Variants in HADHA observed in about 807,000 individuals in gnomAD.
The protein encoded by HADHA is trifunctional enzyme subunit alpha, mitochondrial.
HADHA carries 59 observed loss-of-function variants against 91.3 expected under a neutral mutation model. The observed-to-expected ratio is 0.65, with a 90% CI of 0.52 to 0.80. HADHA has a LOEUF of 0.80. HADHA is among the 30% of genes least tolerant of loss of function. The pLI, the probability that HADHA is intolerant of heterozygous loss-of-function variation, is 0.00. For synonymous variants in HADHA, 320 were observed against 338.9 expected, an observed-to-expected ratio of 0.94 and a Z score of 0.61; for missense variants, 800 against 927.6, an observed-to-expected ratio of 0.86 and a Z score of 1.79.
chr2:26,195,253 C>T lies in HADHA; in HGVS notation c.1480-21G>A, dbSNP rs367884834. ...ATCACCTGGCAAGGGGAACCAAAAGCCAACAGATCGGAGAATGCGGGTGAG... is the reference window on the plus strand; with the variant it reads ...ATCACCTGGCAAGGGGAACCAAAAGTCAACAGATCGGAGAATGCGGGTGAG... On this transcript the variant is annotated intron_variant, in intron 14 of 19. Coordinates refer to ENST00000380649, the MANE Select transcript of HADHA (RefSeq NM_000182.5). 8 of 1,607,670 alleles carry T rather than the reference C, an allele frequency of 5.0e-6. No homozygotes were observed. In the African/African-American group the frequency reaches 1.1e-4, roughly 21 times the overall value.
At chr2:26,222,948 T>C (rs1670406520) in intron 7 of HADHA, among the ~76,000 whole-genome samples, 1 of 152,194 alleles carries the variant, frequency 6.6e-6, no homozygotes, top group African/African-American at 2.4e-5. Context: ...TATAGGGTGC[T>C]ACTTTTCCCA....
Position 26,192,219 on chromosome 2 carries a change from TA to T in HADHA, c.2000+90del, listed in dbSNP as rs34898931. ...ACATGTATCCCAGGACTTAAAGTAT[TA>T]AAAAAAAAAAAAAATGGAAGAGGGG... is the stretch of plus-strand genomic sequence containing the variant. On this transcript the variant is annotated intron_variant, in intron 18 of 19. Transcript: ENST00000380649. 0.28 allele frequency: 171,921 copies of T among 603,704 alleles called. 2,861 individuals carry two copies. The highest frequency in any genetic ancestry group is 0.32 in the Middle Eastern group (911 of 2,814). 37.4% of individuals were successfully genotyped at this position (603,704 alleles called of 1,614,324 possible).
chr2:26,244,408 A>T, intron 1 of HADHA, 122 bp downstream of exon 1: 1 of 992,754 alleles, frequency 1.0e-6, no homozygotes, highest in Non-Finnish European at 1.6e-6. Flanking sequence ...CAGTATCCCC[A>T]CAGAGGGCTG....
At chr2:26,222,001 A>G (rs568052587) in intron 7 of HADHA, among the ~76,000 whole-genome samples, 1 of 152,256 alleles carries the variant, frequency 6.6e-6, no homozygotes, top group South Asian at 2.1e-4. Flanking sequence ...TTATGGGCTG[A>G]ATTGTGTCCC....
At chr2:26,193,860 T>C in intron 16 of HADHA, 88 bp from the exon 17 acceptor site, 3 of 1,017,234 alleles carry the variant, frequency 2.9e-6, no homozygotes, top group Non-Finnish European at 1.6e-6. Context: ...AACACTGCCT[T>C]GTGTAAAACC....
rs1401840831 is a variant in HADHA, at chr2:26,221,156, T to C, written c.677-5981A>G. 1.3e-5 allele frequency among the ~76,000 whole-genome samples: 2 copies of C among 152,188 alleles called. No individual in the cohort carries two copies. The highest frequency in any genetic ancestry group is 4.8e-5 in the African/African-American group (2 of 41,440). ...CATTTGGGTTGCTATTCCAGCCCAT[T>C]TACTGAGTAACTAAAAAAGCTGCTA... On this transcript the variant is annotated intron_variant, in intron 7 of 19. Transcript: ENST00000380649. The surrounding 1 kb of genome is among the most constrained non-coding windows in gnomAD (Gnocchi z 4.8).
At chr2:26,191,925 C>A (rs776468565) in intron 18 of HADHA, among the ~76,000 whole-genome samples, 34 of 152,188 alleles carry the variant, frequency 2.2e-4, no homozygotes, top group Admixed American at 1.6e-3. Context: ...TAATAAAGAT[C>A]TGGGAGGGTG....
chr2:26,234,736 A>G (rs1030703820), intron 4 of HADHA, among the ~76,000 whole-genome samples: 3 of 151,212 alleles, frequency 2.0e-5, no homozygotes, highest in Non-Finnish European at 2.9e-5. Flanking sequence ...ACTGCACTCC[A>G]GCCTGGGCGA....
At chr2:26,231,925 C>T (rs760308459) in intron 6 of HADHA, among the ~76,000 whole-genome samples, 2 of 144,026 alleles carry the variant, frequency 1.4e-5, no homozygotes, top group African/African-American at 2.6e-5. Context: ...GCTGAGATCA[C>T]ACCACTGCAC....
intron 13 of HADHA, 32 bp downstream of exon 13, chr2:26,201,117 C>T (rs751905555): frequency 1.3e-6 from 2 of 1,533,416 alleles, no homozygotes; most frequent in Non-Finnish European, 1.8e-6. Context: ...GTTCACTACA[C>T]TAGGATTCAA....
At chr2:26,208,509 T>C (rs1266720928) in intron 11 of HADHA, among the ~76,000 whole-genome samples, 2 of 152,200 alleles carry the variant, frequency 1.3e-5, no homozygotes, top group Non-Finnish European at 1.5e-5. Flanking sequence ...GTTTCTTTAA[T>C]TGACAGCATT....
At position 26,190,991 on chromosome 2, in the gene HADHA, T is replaced by C. The variant is rs1574599687; in HGVS notation, c.*259A>G. On this transcript the variant is annotated 3_prime_UTR_variant, in exon 20 of 20. Coordinates refer to ENST00000380649, the MANE Select transcript of HADHA (RefSeq NM_000182.5). ...CAGAGAGGTGGCTTCAGATGGCTCT[T>C]GGCTGCCACTCTAGGCCTCGGGGCT... 2 of 565,284 alleles carry C rather than the reference T, an allele frequency of 3.5e-6. No homozygotes were observed. The highest frequency in any genetic ancestry group is 4.0e-5 in the South Asian group (2 of 49,952). The allele number at this position is 565,284 out of a possible 1,614,324, so 35.0% of individuals were successfully genotyped here. A position where few individuals can be genotyped will look rare whatever the true frequency, so the allele number is the denominator to read the frequency against.
chr2:26,193,571 A>G lies in HADHA; in HGVS notation c.1885+6T>C. 1 of 1,606,204 alleles carries G rather than the reference A, an allele frequency of 6.2e-7. No homozygotes were observed. The highest frequency in any genetic ancestry group is 8.5e-7 in the Non-Finnish European group (1 of 1,172,970). On this transcript the variant is annotated splice_donor_region_variant and intron_variant, in intron 17 of 19. Coordinates refer to ENST00000380649, the MANE Select transcript of HADHA (RefSeq NM_000182.5). The stretch of plus-strand genomic sequence containing the variant: ...GTGCTAGTTATGTTTCCTTGAGGCT[A>G]CTCACCTAGGAAGCCCTTGGACACC...
chr2:26,210,130 C>T lies in HADHA; in HGVS notation c.976-241G>A, dbSNP rs1199244068. Among the ~76,000 whole-genome samples, 1 of 152,148 alleles carries T rather than the reference C, an allele frequency of 6.6e-6. No individual in the cohort carries two copies. Among genetic ancestry groups the T allele is most frequent in the Non-Finnish European group, 1.5e-5 (1 of 68,016 alleles). On this transcript the variant is annotated intron_variant, in intron 10 of 19. Transcript: ENST00000380649. The surrounding 1 kb of genome is among the most constrained non-coding windows in gnomAD (Gnocchi z 4.0). ...GTGTTGAAGAAAGTTTTGGATATAA[C>T]TAAGCTCTCAGATTCTTTACACCAG...
At position 26,244,564 on chromosome 2, in the gene HADHA, G is replaced by A. The variant is rs1574631841; in HGVS notation, c.33C>T (p.Ser11=). Residue 11 remains serine (S), a synonymous_variant, in exon 1 of 20, where the codon AGC becomes AGT. Coordinates refer to ENST00000380649, the MANE Select transcript of HADHA (RefSeq NM_000182.5). MVACRAIGIL[S]RFSAFRILRS... ...GGAGGATCCTGAAGGCAGAAAAGCGGCTGAGGATGCCAATCGCCCGGCAGG... is the reference window on the plus strand; with the variant it reads ...GGAGGATCCTGAAGGCAGAAAAGCGACTGAGGATGCCAATCGCCCGGCAGG... 3.1e-6 allele frequency: 5 copies of A among 1,588,196 alleles called. No homozygotes were observed. Among genetic ancestry groups the A allele is most frequent in the Admixed American group, 1.8e-5 (1 of 56,498 alleles).
chr2:26,201,243 A>G lies in HADHA; in HGVS notation c.1298T>C (p.Leu433Pro). Residue 433 changes from leucine (L) to proline (P), a missense_variant, in exon 13 of 20, where the codon CTT becomes CCT. By Grantham distance (98) the Leu-to-Pro change is moderately conservative (BLOSUM62 -3). Coordinates refer to ENST00000380649, the MANE Select transcript of HADHA (RefSeq NM_000182.5). ...DSIFSNLTGQ[L>P]DYQGFEKADM... ...GGCCTTTTCAAAACCTTGGTAATCA[A>G]GCTGCCCAGTCAAGTTGCTGAAGAT... is the stretch of plus-strand genomic sequence containing the variant. 1 of 1,612,498 alleles carries G rather than the reference A, an allele frequency of 6.2e-7. No individual in the cohort carries two copies. The highest frequency in any genetic ancestry group is 8.5e-7 in the Non-Finnish European group (1 of 1,178,468).
intron 13 of HADHA, among the ~76,000 whole-genome samples, chr2:26,198,169 C>T (rs1348154947): frequency 1.3e-5 from 2 of 152,178 alleles, no homozygotes; most frequent in Non-Finnish European, 2.9e-5. Flanking sequence ...CCCTGAATCA[C>T]TCCCCGCTTC....
At position 26,237,007 on chromosome 2, in the gene HADHA, TACA is replaced by T. The variant is rs1670779854; in HGVS notation, c.181-22_181-20del. On this transcript the variant is annotated intron_variant, in intron 3 of 19. Transcript: ENST00000380649. ...TATTTACCTGCCAAAGGGAAATATATACAGGTAAGGGTTTAAATTTGAAGCACT... is the reference window on the plus strand; with the variant it reads ...TATTTACCTGCCAAAGGGAAATATATGGTAAGGGTTTAAATTTGAAGCACT... 1 of 1,587,534 alleles carries T rather than the reference TACA, an allele frequency of 6.3e-7. No homozygotes were observed. The highest frequency in any genetic ancestry group is 8.7e-7 in the Non-Finnish European group (1 of 1,155,854).
Position 26,209,807 on chromosome 2 carries a change from T to G in HADHA, c.1058A>C (p.Lys353Thr), listed in dbSNP as rs764286763. The G allele has an allele frequency of 4.4e-6, 7 of 1,590,506 alleles. No individual in the cohort carries two copies. The East Asian group carries it at 1.3e-4, about 30-fold the overall frequency. Residue 353 changes from lysine to threonine, a missense_variant, in exon 11 of 20, where the codon AAA becomes ACA. By Grantham distance (78) the Lys-to-Thr change is moderately conservative. Transcript: ENST00000380649. Reference sequence around the variant, plus strand: ...AACATCCTTCTGTGGAGCTCCAAATTTATTCTTCTTGCACAGGACCTGACC... The same window carrying G: ...AACATCCTTCTGTGGAGCTCCAAATGTATTCTTCTTGCACAGGACCTGACC... ...YHGQVLCKKN[K>T]FGAPQKDVKH...
Sources: gnomAD v4.1 joint callset for allele counts (sites outside exome capture counted in the v4.1 genomes callset) on GRCh38, gnomAD v4.1.1 for gene constraint, Gnocchi (gnomAD v3.1) non-coding constraint, MANE v1.5 for transcripts, NCBI Gene and HGNC (gene_info 2026-07-23, HGNC 2026-07-21) for gene names.